Variants in REDIC1 observed in about 807,000 individuals in gnomAD.
The protein encoded by REDIC1 is regulator of DNA class I crossover intermediates 1, also known as HEI10 Interacting Protein 1.
the REDIC1 span, among the ~76,000 whole-genome samples, chr12:39,850,092 T>A: frequency 6.6e-6 from 1 of 152,142 alleles, no homozygotes; most frequent in African/African-American, 2.4e-5. Context: ...TCATGTTCCC[T>A]GCTTTGGCCT....
At chr12:39,664,689 C>T in the REDIC1 span, among the ~76,000 whole-genome samples, 1 of 152,210 alleles carries the variant, frequency 6.6e-6, no homozygotes, top group Non-Finnish European at 1.5e-5. Flanking sequence ...TACAGTCCCA[C>T]CAACAGTATA....
At chr12:39,899,224 C>G in the REDIC1 span, among the ~76,000 whole-genome samples, 1 of 152,002 alleles carries the variant, frequency 6.6e-6, no homozygotes, top group African/African-American at 2.4e-5. Flanking sequence ...GTGTATGTGT[C>G]GAGGAATTTA....
the REDIC1 span, chr12:39,721,154 C>T: frequency 2.5e-6 from 4 of 1,613,544 alleles, no homozygotes; most frequent in South Asian, 4.4e-5. Context: ...TCAAAATGTA[C>T]ATGTAGAAGT....
chr12:39,650,327 T>G, the REDIC1 span: 1 of 1,611,460 alleles, frequency 6.2e-7, no homozygotes, highest in Admixed American at 1.7e-5. The surrounding 1 kb of genome is among the most constrained non-coding windows in gnomAD (Gnocchi z 4.3). Flanking sequence ...ACTACACGAT[T>G]TGGGACATTA....
the REDIC1 span, among the ~76,000 whole-genome samples, chr12:39,702,812 A>G: frequency 6.6e-6 from 1 of 152,246 alleles, no homozygotes; most frequent in East Asian, 1.9e-4. Flanking sequence ...TCCAGCATGT[A>G]AACAGAACCA....
chr12:39,664,038 T>C, the REDIC1 span, among the ~76,000 whole-genome samples: 50 of 152,166 alleles, frequency 3.3e-4, no homozygotes, highest in African/African-American at 1.1e-3. Context: ...CACTTACATA[T>C]GACAACTTCT....
the REDIC1 span, among the ~76,000 whole-genome samples, chr12:39,852,282 A>G: frequency 6.6e-6 from 1 of 152,256 alleles, no homozygotes; most frequent in Non-Finnish European, 1.5e-5. Context: ...AATGCTGGTC[A>G]GATTTCCCTT....
chr12:39,895,372 C>T, the REDIC1 span, among the ~76,000 whole-genome samples: 20 of 150,834 alleles, frequency 1.3e-4, no homozygotes, highest in Non-Finnish European at 2.1e-4. Context: ...CACCTGTAGT[C>T]CCAGCTACTT....
chr12:39,641,719 A>G, the REDIC1 span, among the ~76,000 whole-genome samples: 1 of 151,776 alleles, frequency 6.6e-6, no homozygotes, highest in Admixed American at 6.6e-5. Context: ...ATTCCTTTAT[A>G]TAAAGTTCTA....
At chr12:39,793,638 A>T in the REDIC1 span, among the ~76,000 whole-genome samples, 14 of 152,084 alleles carry the variant, frequency 9.2e-5, no homozygotes, top group Non-Finnish European at 1.6e-4. Context: ...GGCCCTTACT[A>T]GGATATATAT....
the REDIC1 span, among the ~76,000 whole-genome samples, chr12:39,702,205 AAAG>A: frequency 5.9e-5 from 9 of 152,200 alleles, no homozygotes; most frequent in East Asian, 1.9e-4. Flanking sequence ...ACTAATAAAA[AAAG>A]AGAGAGGAAT....
chr12:39,705,271 C>G, the REDIC1 span, among the ~76,000 whole-genome samples: 3 of 151,824 alleles, frequency 2.0e-5, no homozygotes, highest in Admixed American at 1.3e-4. Context: ...ATGAAGAAAT[C>G]CAAAACCTGA....
chr12:39,751,284 C>A, the REDIC1 span, among the ~76,000 whole-genome samples: 10 of 152,162 alleles, frequency 6.6e-5, no homozygotes, highest in Non-Finnish European at 1.3e-4. Context: ...ATGCAGCCAG[C>A]AGACACATGA....
the REDIC1 span, among the ~76,000 whole-genome samples, chr12:39,735,616 A>G: frequency 1.3e-5 from 2 of 152,240 alleles, no homozygotes; most frequent in Non-Finnish European, 2.9e-5. Context: ...AATTAAGAAA[A>G]GGCTTTTGGA....
the REDIC1 span, chr12:39,682,550 A>G: frequency 7.8e-7 from 1 of 1,284,538 alleles, no homozygotes; most frequent in Non-Finnish European, 1.1e-6. Context: ...TGAAAGTAAG[A>G]GTTTCTAAAT....
the REDIC1 span, among the ~76,000 whole-genome samples, chr12:39,701,949 G>A: frequency 1.3e-5 from 2 of 152,062 alleles, no homozygotes; most frequent in African/African-American, 4.8e-5. Flanking sequence ...AGTGTGTAGG[G>A]GGAAATTTCT....
the REDIC1 span, among the ~76,000 whole-genome samples, chr12:39,672,179 G>A: frequency 6.6e-6 from 1 of 152,130 alleles, no homozygotes; most frequent in South Asian, 2.1e-4. Flanking sequence ...GAATTCCTGG[G>A]GCCTCAAGCA....
chr12:39,635,860 A>T, the REDIC1 span, among the ~76,000 whole-genome samples: 1 of 152,114 alleles, frequency 6.6e-6, no homozygotes, highest in Non-Finnish European at 1.5e-5. Flanking sequence ...TAAAATTCAA[A>T]TCCATGTCTA....
chr12:39,812,384 TTCTTTC>T, the REDIC1 span, among the ~76,000 whole-genome samples: 4 of 124,346 alleles, frequency 3.2e-5, no homozygotes, highest in Admixed American at 7.7e-5. Context: ...TTTCTTTTCT[TTCTTTC>T]TCTCTCTCTT....
Sources: gnomAD v4.1 joint callset for allele counts (sites outside exome capture counted in the v4.1 genomes callset) on GRCh38, gnomAD v4.1.1 for gene constraint, Gnocchi (gnomAD v3.1) non-coding constraint, MANE v1.5 for transcripts, NCBI Gene and HGNC (gene_info 2026-07-23, HGNC 2026-07-21) for gene names.